Variants in POSTN observed in about 807,000 individuals in gnomAD.
The protein encoded by POSTN is osteoblast specific factor 2 (fasciclin I-like).
A neutral mutation model predicts 104.5 loss-of-function variants in POSTN; 71 were observed. That is an observed-to-expected ratio of 0.68 (90% CI 0.56 to 0.83). The LOEUF is 0.83. POSTN is among the 40% of genes least tolerant of loss of function. The pLI, the probability that POSTN is intolerant of heterozygous loss-of-function variation, is 0.00. For missense variants in POSTN, 949 were observed against 1,006.8 expected (o/e 0.94, Z 0.78); for synonymous variants, 355 against 340.7 (o/e 1.04, Z -0.46).
chr13:37,593,381 C>T (rs2138389456), intron 2 of POSTN, among the ~76,000 whole-genome samples: 1 of 150,890 alleles, frequency 6.6e-6, no homozygotes, highest in East Asian at 1.9e-4. Context: ...CATCATCTAA[C>T]ATAGGTAGCC....
At chr13:37,580,540 A>G (rs201517785) in intron 11 of POSTN, 21 bp downstream of exon 11, 6 of 1,613,556 alleles carry the variant, frequency 3.7e-6, no homozygotes, top group Middle Eastern at 1.7e-4. Flanking sequence ...TTCTCTGTGG[A>G]GGTGCCACTA....
rs750198249 is a variant in POSTN, at chr13:37,584,756, A to C, written c.1068T>G (p.Gly356=). 3.1e-6 allele frequency: 5 copies of C among 1,613,902 alleles called. No homozygotes were observed. The highest frequency in any genetic ancestry group is 4.2e-6 in the Non-Finnish European group (5 of 1,179,884). ...VNKKDIVTNN[G]VIHLIDQVLI... ...GGACCTGATCAATCAAATGGATCAC[A>C]CCATTATTTGTCACAATATCCTTTT... The change falls in exon 8 of 23, where the codon GGT becomes GGG. Residue 356 remains glycine, a synonymous_variant. Transcript: ENST00000379747.
rs1950006558 is a variant in POSTN at position 37,564,045 on chromosome 13, C to T, written c.2473+474G>A. Reference sequence around the variant, plus strand: ...CTTATGTCTCAAACTGTAGCATTGTCTCACATAATAACATTTTTAAGGATT... The same window carrying T: ...CTTATGTCTCAAACTGTAGCATTGTTTCACATAATAACATTTTTAAGGATT... On this transcript the variant is annotated intron_variant, in intron 22 of 22. Coordinates refer to ENST00000379747, the MANE Select transcript of POSTN (RefSeq NM_006475.3). 2.0e-5 allele frequency among the ~76,000 whole-genome samples: 3 copies of T among 150,622 alleles called. No homozygotes were observed. The South Asian group carries it at 6.3e-4, about 31-fold the overall frequency.
In POSTN at chr13:37,569,358, A is replaced by G; in HGVS notation, c.2373T>C (p.Ile791=). The G allele has an allele frequency of 3.1e-6, 5 of 1,612,846 alleles. No individual in the cohort carries two copies. In the East Asian group the frequency reaches 8.9e-5, roughly 29 times the overall value. ...QEEVTKVTKF[I]EGGDGHLFED... is the part of the protein sequence containing the mutation. Reference sequence around the variant, plus strand: ...CAAATAAATGACCATCACCACCTTCAATGAATTTGGTGACCTTGGTGACCT... The same window carrying G: ...CAAATAAATGACCATCACCACCTTCGATGAATTTGGTGACCTTGGTGACCT... Residue 791 remains isoleucine, a synonymous_variant, in exon 21 of 23, where the codon ATT becomes ATC. Coordinates refer to ENST00000379747, the MANE Select transcript of POSTN (RefSeq NM_006475.3).
intron 21 of POSTN, 200 bp from the exon 22 acceptor site, chr13:37,564,760 A>G: frequency 2.5e-6 from 1 of 398,602 alleles, no homozygotes; most frequent in Non-Finnish European, 4.5e-6. Flanking sequence ...TGTTTTCCAT[A>G]TATCATAATG....
At chr13:37,577,927 C>G in intron 15 of POSTN, 129 bp from the exon 16 acceptor site, 1 of 1,430,694 alleles carries the variant, frequency 7.0e-7, no homozygotes, top group Non-Finnish European at 9.2e-7. Context: ...AAGTGAAGTC[C>G]TCATATAAAT....
chr13:37,579,384 T>G lies in POSTN; in HGVS notation c.1661-25A>C, dbSNP rs781409387. On this transcript the variant is annotated intron_variant, in intron 12 of 22. Coordinates refer to ENST00000379747, the MANE Select transcript of POSTN (RefSeq NM_006475.3). ...CCTAGGGGAAAATATATGTTTATTT[T>G]TATTGAATAATATGACTTTTTGATA... 11 of 1,514,184 alleles carry G rather than the reference T, an allele frequency of 7.3e-6. No homozygotes were observed. The East Asian group carries it at 2.5e-4, about 34-fold the overall frequency. The allele number at this position is 1,514,184 out of a possible 1,614,324, so 93.8% of individuals were successfully genotyped here. A position where few individuals can be genotyped will look rare whatever the true frequency, so the allele number is the denominator to read the frequency against.
At chr13:37,575,108 A>C (rs1222233018) in intron 16 of POSTN, among the ~76,000 whole-genome samples, 1 of 152,068 alleles carries the variant, frequency 6.6e-6, no homozygotes, top group Admixed American at 6.6e-5. Context: ...TTTTTCATGC[A>C]TCTGATAACA....
In POSTN at chr13:37,582,371, G is replaced by C; in HGVS notation, c.1387C>G (p.Arg463Gly). ...TTTTGTTGTGATTCACTTACTGTAC[G>C]ATATACGAAGACTCTGAGCTGTTTG... is the stretch of plus-strand genomic sequence containing the variant. ...GGKQLRVFVY[R>G]TAVCIENSCM... is the part of the protein sequence containing the mutation. The change falls in exon 10 of 23, where the codon CGT becomes GGT. Residue 463 changes from arginine to glycine, a missense_variant. Arg to Gly is a moderately radical substitution (Grantham distance 125). Transcript: ENST00000379747. 1 of 1,608,422 alleles carries C rather than the reference G, an allele frequency of 6.2e-7. No homozygotes were observed. The highest frequency in any genetic ancestry group is 8.5e-7 in the Non-Finnish European group (1 of 1,178,524).
At chr13:37,597,355 G>A (rs1171063473) in intron 1 of POSTN, 73 bp from the exon 2 acceptor site, 2 of 941,342 alleles carry the variant, frequency 2.1e-6, no homozygotes, top group African/African-American at 1.7e-5. Flanking sequence ...AAGATTGGTT[G>A]ATAGAAGAAA....
chr13:37,573,936 G>GTT (rs1281530300), intron 17 of POSTN, among the ~76,000 whole-genome samples: 1 of 151,334 alleles, frequency 6.6e-6, no homozygotes, highest in African/African-American at 2.4e-5. Flanking sequence ...GTGTGTGTGT[G>GTT]TCTGTATTAT....
intron 9 of POSTN, 25 bp from the exon 10 acceptor site, chr13:37,582,539 A>T (rs745811053): frequency 1.9e-6 from 3 of 1,567,034 alleles, no homozygotes; most frequent in Non-Finnish European, 2.6e-6. Flanking sequence ...ATTAAGAAAG[A>T]GCATTATTTT....
At chr13:37,581,736 A>G (rs1283219983) in intron 10 of POSTN, among the ~76,000 whole-genome samples, 1 of 152,010 alleles carries the variant, frequency 6.6e-6, no homozygotes, top group Non-Finnish European at 1.5e-5. Flanking sequence ...AAAAAAAAAA[A>G]GTACATTAAA....
chr13:37,589,080 A>C (rs950640677), intron 4 of POSTN, among the ~76,000 whole-genome samples: 4 of 152,180 alleles, frequency 2.6e-5, no homozygotes, highest in East Asian at 1.9e-4. Flanking sequence ...AACAAAAAAA[A>C]CCAATTATTT....
chr13:37,572,518 G>A lies in POSTN; in HGVS notation c.2090-1060C>T, dbSNP rs186138432. Among the ~76,000 whole-genome samples the A allele has an allele frequency of 1.9e-4, 29 of 151,646 alleles. No individual in the cohort carries two copies. The East Asian group carries it at 3.9e-3, about 20-fold the overall frequency. ...CCTAAGGAATTTAAGAACCAAAAATGCGTTAATAAAATATCTAAATCAATA... is the reference window on the plus strand; with the variant it reads ...CCTAAGGAATTTAAGAACCAAAAATACGTTAATAAAATATCTAAATCAATA... On this transcript the variant is annotated intron_variant, in intron 17 of 22. Transcript: ENST00000379747.
At chr13:37,597,878 C>A (rs1347537586) in intron 1 of POSTN, among the ~76,000 whole-genome samples, 1 of 152,088 alleles carries the variant, frequency 6.6e-6, no homozygotes, top group Admixed American at 6.6e-5. Flanking sequence ...TTTTAAGGTT[C>A]CCCTTCCCCT....
intron 19 of POSTN, 120 bp downstream of exon 19, chr13:37,570,460 G>C: frequency 3.1e-6 from 2 of 639,840 alleles, no homozygotes; most frequent in South Asian, 4.5e-5. Context: ...AAAATATGAA[G>C]TAACTTTAGT....
chr13:37,590,599 C>G, intron 3 of POSTN, 70 bp from the exon 4 acceptor site: 2 of 1,295,866 alleles, frequency 1.5e-6, no homozygotes, highest in Non-Finnish European at 2.1e-6. Context: ...ATCATTTAAA[C>G]TTTATGCTGT....
In POSTN at chr13:37,579,032, G is replaced by T. The variant is rs747574348; in HGVS notation, c.1881C>A (p.Leu627=). 1.2e-6 allele frequency: 2 copies of T among 1,613,176 alleles called. No homozygotes were observed. Among genetic ancestry groups the T allele is most frequent in the Admixed American group, 3.3e-5 (2 of 59,968 alleles). ...ATAATTACAAACCTGCTGGATAGAG[G>T]AGTTTATCTACAACATGAATTACAC... The part of the protein sequence containing the change: ...TNGVIHVVDK[L]LYPADTPVGN... The change falls in exon 14 of 23, where the codon CTC becomes CTA. Residue 627 remains leucine (L), a synonymous_variant. Transcript: ENST00000379747.
Sources: allele counts gnomAD v4.1 joint callset (sites outside exome capture counted in the v4.1 genomes callset), GRCh38; gene constraint gnomAD v4.1.1; transcripts MANE v1.5; gene names NCBI Gene and HGNC (gene_info 2026-07-23, HGNC 2026-07-21).